CAMK4: variants seen among roughly 807,000 people sequenced by gnomAD.
The protein encoded by CAMK4 is calcium/calmodulin dependent protein kinase IV, also known as calcium/calmodulin-dependent protein kinase type IV.
CAMK4 carries 22 observed loss-of-function variants against 44.9 expected under a neutral mutation model. That is an observed-to-expected ratio of 0.49 (90% CI 0.35 to 0.70). CAMK4 has a LOEUF of 0.70. CAMK4 is among the 30% of genes least tolerant of loss of function. The pLI is 0.01. For missense variants in CAMK4, 498 were observed against 586.8 expected (o/e 0.85, Z 1.56); for synonymous variants, 218 against 215.4 (o/e 1.01, Z -0.11).
At chr5:111,326,747 A>G (rs949515131) in intron 1 of CAMK4, among the ~76,000 whole-genome samples, 1 of 151,926 alleles carries the variant, frequency 6.6e-6, no homozygotes, top group Non-Finnish European at 1.5e-5. Flanking sequence ...GACGAGGCTA[A>G]GCAGTTGCAC....
intron 2 of CAMK4, among the ~76,000 whole-genome samples, chr5:111,368,866 G>A (rs570986587): frequency 6.3e-4 from 95 of 151,658 alleles, no homozygotes; most frequent in African/African-American, 2.3e-3. Context: ...TATTTATCCT[G>A]GGCCCCAGCA....
intron 4 of CAMK4, among the ~76,000 whole-genome samples, chr5:111,380,021 T>C (rs868087088): frequency 1.3e-5 from 2 of 152,098 alleles, no homozygotes; most frequent in Non-Finnish European, 2.9e-5. Flanking sequence ...AGAAGAAAGC[T>C]CCCATGAAGT....
intron 1 of CAMK4, among the ~76,000 whole-genome samples, chr5:111,239,991 T>A (rs1748913769): frequency 2.0e-5 from 3 of 152,186 alleles, no homozygotes; most frequent in Admixed American, 2.0e-4. Context: ...TTTCATGTAT[T>A]GAAAAGAAGG....
intron 4 of CAMK4, among the ~76,000 whole-genome samples, chr5:111,381,320 A>G (rs907570830): frequency 6.6e-6 from 1 of 152,180 alleles, no homozygotes; most frequent in Non-Finnish European, 1.5e-5. Context: ...GCCACCTGCA[A>G]GCTGAGGAGC....
intron 1 of CAMK4, among the ~76,000 whole-genome samples, chr5:111,338,600 T>A (rs1193204183): frequency 6.6e-6 from 1 of 151,426 alleles, no homozygotes; most frequent in African/African-American, 2.4e-5. Flanking sequence ...AAGCTTGAGG[T>A]CTTACATCTA....
intron 1 of CAMK4, among the ~76,000 whole-genome samples, chr5:111,295,782 A>G (rs1421059327): frequency 6.6e-6 from 1 of 152,218 alleles, no homozygotes; most frequent in Non-Finnish European, 1.5e-5. Context: ...GAGAATGGAA[A>G]GAGCAGAAAA....
chr5:111,396,743 T>C (rs1752028292), intron 5 of CAMK4, among the ~76,000 whole-genome samples: 1 of 143,576 alleles, frequency 7.0e-6, no homozygotes, highest in East Asian at 2.2e-4. Context: ...CAGGTTGAAG[T>C]GATTCTCCTG....
intron 7 of CAMK4, among the ~76,000 whole-genome samples, chr5:111,459,045 AT>A (rs1754540312): frequency 6.6e-6 from 1 of 152,172 alleles, no homozygotes. Flanking sequence ...AGAAGGGAAT[AT>A]ATGGTCCACA....
chr5:111,247,563 G>A (rs1749295341), intron 1 of CAMK4, among the ~76,000 whole-genome samples: 1 of 150,944 alleles, frequency 6.6e-6, no homozygotes, highest in African/African-American at 2.4e-5. Flanking sequence ...AAGGAATTGG[G>A]AAGGCTAGCA....
chr5:111,451,244 G>A (rs1331015373), intron 7 of CAMK4, among the ~76,000 whole-genome samples: 1 of 39,850 alleles, frequency 2.5e-5, no homozygotes, highest in Non-Finnish European at 5.5e-5. Flanking sequence ...TGTACTATAG[G>A]GAAATTTATA....
At chr5:111,277,910 G>A (rs1472112198) in intron 1 of CAMK4, among the ~76,000 whole-genome samples, 1 of 151,968 alleles carries the variant, frequency 6.6e-6, no homozygotes, top group Non-Finnish European at 1.5e-5. Flanking sequence ...TTTAAATTCA[G>A]TACTGTCATA....
Position 111,337,330 on chromosome 5 carries a change from G to T in CAMK4, c.162-6694G>T, listed in dbSNP as rs1444256603. Among the ~76,000 whole-genome samples the T allele has an allele frequency of 5.3e-5, 8 of 151,208 alleles. No homozygotes were observed. In the East Asian group the frequency reaches 7.8e-4, roughly 15 times the overall value. On this transcript the variant is annotated intron_variant, in intron 1 of 10. Coordinates refer to ENST00000282356, the MANE Select transcript of CAMK4 (RefSeq NM_001744.6). ...GCTGTGACAATTCAGGTTCAAGTTT[G>T]TGAGTGAACATTGTTTTGATCTTAC...
intron 7 of CAMK4, among the ~76,000 whole-genome samples, chr5:111,462,773 A>G (rs1194120312): frequency 1.3e-5 from 2 of 152,226 alleles, no homozygotes; most frequent in Non-Finnish European, 2.9e-5. Flanking sequence ...GCCCTAGGCC[A>G]TATCTGATGC....
intron 1 of CAMK4, among the ~76,000 whole-genome samples, chr5:111,295,100 G>A (rs770726194): frequency 6.6e-6 from 1 of 152,000 alleles, no homozygotes; most frequent in African/African-American, 2.4e-5. Context: ...GGTTTGAAAG[G>A]GTTTATTTGC....
chr5:111,330,890 T>G (rs1749139107), intron 1 of CAMK4, among the ~76,000 whole-genome samples: 1 of 151,662 alleles, frequency 6.6e-6, no homozygotes, highest in Non-Finnish European at 1.5e-5. Context: ...TCTTTTCAAT[T>G]AAAGGTGCTG....
chr5:111,299,435 T>C (rs1449889949), intron 1 of CAMK4, among the ~76,000 whole-genome samples: 1 of 152,226 alleles, frequency 6.6e-6, no homozygotes, highest in South Asian at 2.1e-4. Flanking sequence ...CCACCCCCGC[T>C]TGGACCTCAG....
chr5:111,367,240 G>A (rs760209946), intron 2 of CAMK4, among the ~76,000 whole-genome samples: 16 of 151,294 alleles, frequency 1.1e-4, no homozygotes, highest in Non-Finnish European at 1.9e-4. Flanking sequence ...CCTGAAGCAA[G>A]TGCTTGTGTC....
intron 1 of CAMK4, among the ~76,000 whole-genome samples, chr5:111,328,908 T>C (rs894989469): frequency 6.6e-6 from 1 of 151,988 alleles, no homozygotes; most frequent in Non-Finnish European, 1.5e-5. Flanking sequence ...GAGGAGATTT[T>C]GGGCTGAGAC....
intron 2 of CAMK4, among the ~76,000 whole-genome samples, chr5:111,374,412 G>C (rs1751130834): frequency 6.6e-6 from 1 of 152,144 alleles, no homozygotes; most frequent in East Asian, 1.9e-4. Flanking sequence ...ACAATGGCCA[G>C]GGAACAGGAT....
Sources: gnomAD v4.1 joint callset for allele counts (sites outside exome capture counted in the v4.1 genomes callset) on GRCh38, gnomAD v4.1.1 for gene constraint, MANE v1.5 for transcripts, NCBI Gene and HGNC (gene_info 2026-07-23, HGNC 2026-07-21) for gene names.